The following IRAG1 variants were observed in gnomAD, a reference collection of about 807,000 sequenced individuals.
The protein encoded by IRAG1 is IP3R-associated cGMP kinase substrate.
A neutral mutation model predicts 106.2 loss-of-function variants in IRAG1; 62 were observed. That is an observed-to-expected ratio of 0.58 (90% CI 0.48 to 0.72). IRAG1 has a LOEUF of 0.72. Ranked by LOEUF, IRAG1 falls within the 30% of genes least tolerant of loss-of-function variation. IRAG1 has a pLI of 0.00. For synonymous variants in IRAG1, 462 were observed against 443.9 expected, an observed-to-expected ratio of 1.04 and a Z score of -0.51; for missense variants, 1,064 against 1,140.7, an observed-to-expected ratio of 0.93 and a Z score of 0.97.
chr11:10,664,779 C>T (rs1859663779), intron 1 of IRAG1, among the ~76,000 whole-genome samples: 1 of 152,216 alleles, frequency 6.6e-6, no homozygotes, highest in Non-Finnish European at 1.5e-5. Flanking sequence ...CCATCCTTAA[C>T]TGCAGCCTTG....
intron 20 of IRAG1, 47 bp from the exon 21 acceptor site, chr11:10,576,622 C>A: frequency 6.2e-7 from 1 of 1,608,232 alleles, no homozygotes; most frequent in Non-Finnish European, 8.5e-7. Context: ...ACTGGGCACA[C>A]ATATGATACA....
intron 2 of IRAG1, among the ~76,000 whole-genome samples, chr11:10,635,963 C>T (rs1857118191): frequency 6.6e-6 from 1 of 152,102 alleles, no homozygotes; most frequent in South Asian, 2.1e-4. Flanking sequence ...TCAGAATCTC[C>T]CGGGACATGG....
intron 2 of IRAG1, among the ~76,000 whole-genome samples, 191 bp from the exon 3 acceptor site, chr11:10,634,262 C>T (rs1441792703): frequency 1.3e-5 from 2 of 152,166 alleles, no homozygotes; most frequent in Non-Finnish European, 2.9e-5. Flanking sequence ...ATATTCAAGG[C>T]ACACAATGCG....
intron 18 of IRAG1, among the ~76,000 whole-genome samples, chr11:10,587,774 C>T (rs1360760696): frequency 6.6e-6 from 1 of 152,174 alleles, no homozygotes; most frequent in African/African-American, 2.4e-5. Flanking sequence ...CAACCGGTCA[C>T]CATGCTCTTT....
At chr11:10,591,712 T>C in intron 17 of IRAG1, 100 bp from the exon 18 acceptor site, 1 of 1,082,870 alleles carries the variant, frequency 9.2e-7, no homozygotes, top group Non-Finnish European at 1.4e-6. Context: ...GGCTGCTGCT[T>C]CTCCTCTTTC....
At position 10,654,416 on chromosome 11, in the gene IRAG1, T is replaced by C. The variant is rs1176749613; in HGVS notation, c.68-2234A>G. Among the ~76,000 whole-genome samples, 3 of 152,368 alleles carry C rather than the reference T, an allele frequency of 2.0e-5. No individual in the cohort carries two copies. The East Asian group carries it at 5.8e-4, about 29-fold the overall frequency. ...GGTGACCACCATCTTGATTGCTGTC[T>C]TTCTCTGCAATGAACAAGTTAGCCC... is the stretch of plus-strand genomic sequence containing the variant. On this transcript the variant is annotated intron_variant, in intron 1 of 20. Transcript: ENST00000423302.
chr11:10,688,171 G>T (rs1188859175), intron 1 of IRAG1, among the ~76,000 whole-genome samples: 1 of 152,074 alleles, frequency 6.6e-6, no homozygotes, highest in African/African-American at 2.4e-5. Flanking sequence ...CATATTACAG[G>T]AGAAGAAACT....
chr11:10,579,277 C>T (rs913232724), intron 20 of IRAG1, among the ~76,000 whole-genome samples: 4 of 152,110 alleles, frequency 2.6e-5, no homozygotes, highest in African/African-American at 9.7e-5. Flanking sequence ...TGTGCCTATC[C>T]ATTTTGCTTC....
intron 2 of IRAG1, among the ~76,000 whole-genome samples, chr11:10,649,335 G>A (rs181065548): frequency 2.6e-5 from 4 of 152,342 alleles, no homozygotes; most frequent in East Asian, 1.9e-4. Flanking sequence ...GGTTGGGGGG[G>A]TCTGAACTGC....
intron 11 of IRAG1, among the ~76,000 whole-genome samples, chr11:10,609,252 T>C (rs1854738900): frequency 6.6e-6 from 1 of 152,196 alleles, no homozygotes; most frequent in Non-Finnish European, 1.5e-5. Flanking sequence ...TCTACCAACT[T>C]TACTCTTTCA....
rs143938994 is a variant in IRAG1 at position 10,659,254 on chromosome 11, G to C, written c.68-7072C>G. 2.2e-4 allele frequency among the ~76,000 whole-genome samples: 34 copies of C among 152,370 alleles called. No homozygotes were observed. The highest frequency in any genetic ancestry group is 7.9e-4 in the African/African-American group (33 of 41,588). ...TAGGTATTTGTGCTGTGCTGAACAA[G>C]TGGGTAAGTGAGTGACTGAAGGGGG... is the stretch of plus-strand genomic sequence containing the variant. On this transcript the variant is annotated intron_variant, in intron 1 of 20. Coordinates refer to ENST00000423302, the MANE Select transcript of IRAG1 (RefSeq NM_130385.4). This position sits in a 1 kb window ranked among gnomAD's most constrained non-coding sequence, Gnocchi z 4.1.
chr11:10,592,361 A>G (rs1852776842), intron 17 of IRAG1, among the ~76,000 whole-genome samples: 2 of 152,236 alleles, frequency 1.3e-5, no homozygotes, highest in African/African-American at 2.4e-5. Flanking sequence ...TATGGGAAAT[A>G]GATCTGTTAA....
At chr11:10,692,195 G>GCACACA (rs111745329) in intron 1 of IRAG1, among the ~76,000 whole-genome samples, 32,465 of 150,874 alleles carry the variant, frequency 0.22, 3,772 homozygotes, top group Non-Finnish European at 0.26. Flanking sequence ...AAATATGCAT[G>GCACACA]CACACACACA....
chr11:10,629,734 G>A, intron 4 of IRAG1, 23 bp from the exon 5 acceptor site: 2 of 1,607,908 alleles, frequency 1.2e-6, no homozygotes, highest in Non-Finnish European at 1.7e-6. Flanking sequence ...GATGAGCTGG[G>A]GTGAGAGCCA....
chr11:10,578,328 C>G (rs1195939112), intron 20 of IRAG1, among the ~76,000 whole-genome samples: 5 of 152,196 alleles, frequency 3.3e-5, no homozygotes, highest in Non-Finnish European at 5.9e-5. Context: ...TTTATCTTGT[C>G]CCTTATGAGT....
In IRAG1 at chr11:10,626,570, C is replaced by T. The variant is rs745410329; in HGVS notation, c.764G>A (p.Gly255Glu). ...PHPGEPNVPK[G>E]LADRKQNDQR... Reference sequence around the variant, plus strand: ...GTCATTCTGCTTCCTGTCAGCTAGCCCTTTGGGGACGTTCTGAAAAAGACA... The same window carrying T: ...GTCATTCTGCTTCCTGTCAGCTAGCTCTTTGGGGACGTTCTGAAAAAGACA... Residue 255 changes from glycine to glutamate, a missense_variant, in exon 9 of 21, where the codon GGG becomes GAG. Physicochemically the swap from Gly to Glu is moderately conservative, Grantham distance 98. Transcript: ENST00000423302. 4 of 1,603,316 alleles carry T rather than the reference C, an allele frequency of 2.5e-6. No homozygotes were observed. Among genetic ancestry groups the T allele is most frequent in the Non-Finnish European group, 3.4e-6 (4 of 1,173,306 alleles).
At chr11:10,664,435 G>C (rs750911869) in intron 1 of IRAG1, among the ~76,000 whole-genome samples, 1 of 152,190 alleles carries the variant, frequency 6.6e-6, no homozygotes, top group Admixed American at 6.5e-5. Flanking sequence ...AGGGGTTCAG[G>C]GACAGGGCCT....
intron 19 of IRAG1, 129 bp downstream of exon 19, chr11:10,581,738 T>C (rs1851415380): frequency 2.6e-6 from 3 of 1,161,084 alleles, no homozygotes; most frequent in Admixed American, 2.8e-5. Flanking sequence ...ATGTAGTTCC[T>C]TCCTGTGGCA....
At chr11:10,593,638 G>T in intron 16 of IRAG1, 39 bp from the exon 17 acceptor site, 1 of 1,463,432 alleles carries the variant, frequency 6.8e-7, no homozygotes, top group Non-Finnish European at 9.6e-7. Context: ...TGTCTTGGAG[G>T]TAGCAATAGC....
Sources: allele counts gnomAD v4.1 joint callset (sites outside exome capture counted in the v4.1 genomes callset), GRCh38; gene constraint gnomAD v4.1.1; non-coding constraint Gnocchi (gnomAD v3.1); transcripts MANE v1.5; gene names NCBI Gene and HGNC (gene_info 2026-07-23, HGNC 2026-07-21).